The following TRPM4 variants were observed in gnomAD, a reference collection of about 807,000 sequenced individuals.
The protein encoded by TRPM4 is calcium-activated non-selective cation channel 1.
TRPM4 carries 124 observed loss-of-function variants against 135.6 expected under a neutral mutation model. The ratio of observed to expected loss-of-function variants is 0.91; its 90% CI spans 0.79 to 1.06. The LOEUF (loss-of-function observed/expected upper bound fraction) is 1.06, where lower values mean the gene tolerates loss of function less well. Ranked by LOEUF, TRPM4 falls within the 50% of genes least tolerant of loss-of-function variation. TRPM4 has a pLI of 0.00. For synonymous variants in TRPM4, 745 were observed against 705.6 expected (o/e 1.06, Z -0.88); for missense variants, 1,658 against 1,671.4 (o/e 0.99, Z 0.14).
At chr19:49,178,624 G>A (rs1023778823) in intron 9 of TRPM4, among the ~76,000 whole-genome samples, 7 of 152,048 alleles carry the variant, frequency 4.6e-5, no homozygotes, top group African/African-American at 1.7e-4. Context: ...TGGGTTTGAG[G>A]GCTAGATGCT....
intron 9 of TRPM4, among the ~76,000 whole-genome samples, chr19:49,172,973 C>T (rs1027604789): frequency 2.0e-5 from 3 of 149,812 alleles, no homozygotes; most frequent in Non-Finnish European, 2.9e-5. Context: ...TTGTTCCATC[C>T]ATCCATCTTC....
chr19:49,176,947 C>A (rs111845486), intron 9 of TRPM4, among the ~76,000 whole-genome samples: 2,734 of 152,216 alleles, frequency 0.018, 86 homozygotes, highest in African/African-American at 0.055. Context: ...CAGTTTCTCT[C>A]TGTGGAAAGT....
intron 2 of TRPM4, among the ~76,000 whole-genome samples, chr19:49,160,807 C>A (rs780214522): frequency 6.6e-6 from 1 of 151,262 alleles, no homozygotes; most frequent in East Asian, 2.0e-4. Flanking sequence ...AGCGTCTGAG[C>A]GGGAGGGGTA....
At position 49,200,600 on chromosome 19, in the gene TRPM4, T is replaced by G. The variant is rs779880108; in HGVS notation, c.2779-11T>G. The G allele has an allele frequency of 2.5e-6, 4 of 1,611,480 alleles. No individual in the cohort carries two copies. The highest frequency in any genetic ancestry group is 3.4e-6 in the Non-Finnish European group (4 of 1,179,936). On this transcript the variant is annotated splice_polypyrimidine_tract_variant and intron_variant, in intron 18 of 24. Transcript: ENST00000252826. ...AAGGGCGGGGCCAGACTCAGCCACA[T>G]CTCCCCACAGATGAAGGACGTGTTC... is the stretch of plus-strand genomic sequence containing the variant.
intron 20 of TRPM4, among the ~76,000 whole-genome samples, chr19:49,208,296 C>G (rs1969223422): frequency 1.7e-5 from 1 of 60,254 alleles, no homozygotes; most frequent in Non-Finnish European, 3.2e-5. Flanking sequence ...AGGCCCTCCA[C>G]AAGAGGTGGT....
chr19:49,175,890 G>GT (rs1967671020), intron 9 of TRPM4, among the ~76,000 whole-genome samples: 1 of 143,888 alleles, frequency 6.9e-6, no homozygotes, highest in South Asian at 2.2e-4. Flanking sequence ...GCCTCCCAAA[G>GT]TGCTGGGATT....
intron 9 of TRPM4, among the ~76,000 whole-genome samples, chr19:49,173,324 A>G (rs1405588004): frequency 1.3e-5 from 2 of 151,110 alleles, no homozygotes; most frequent in Non-Finnish European, 2.9e-5. Flanking sequence ...TCCTCCATCC[A>G]TCCATCTTCT....
At chr19:49,183,291 A>C (rs1600462995) in intron 12 of TRPM4, 79 bp downstream of exon 12, 1 of 1,592,716 alleles carries the variant, frequency 6.3e-7, no homozygotes, top group African/African-American at 1.3e-5. Flanking sequence ...ATTACCATAC[A>C]ATTCCCCGAC....
chr19:49,188,904 C>T (rs1406178868), intron 13 of TRPM4, 42 bp from the exon 14 acceptor site: 6 of 1,613,784 alleles, frequency 3.7e-6, no homozygotes. Context: ...CCTCACCCTA[C>T]TCCTTCCCAT....
At position 49,196,891 on chromosome 19, in the gene TRPM4, C is replaced by T. The variant is rs1413407063; in HGVS notation, c.2645+17C>T. ...GGGCTGCCGGTGAGTGCCCCGGGGC[C>T]TTGGAACCCTGGCCCCTGGCCACCT... On this transcript the variant is annotated intron_variant, in intron 17 of 24. Coordinates refer to ENST00000252826, the MANE Select transcript of TRPM4 (RefSeq NM_017636.4). 20 of 1,560,758 alleles carry T rather than the reference C, an allele frequency of 1.3e-5. No homozygotes were observed. The highest frequency in any genetic ancestry group is 1.5e-5 in the Non-Finnish European group (18 of 1,162,094).
chr19:49,169,895 A>G (rs1166673887), intron 6 of TRPM4, among the ~76,000 whole-genome samples: 1 of 152,066 alleles, frequency 6.6e-6, no homozygotes, highest in Non-Finnish European at 1.5e-5. Flanking sequence ...CATGAACAAG[A>G]TACATTACTA....
intron 2 of TRPM4, among the ~76,000 whole-genome samples, chr19:49,165,270 A>G (rs1190230629): frequency 6.6e-6 from 1 of 152,224 alleles, no homozygotes; most frequent in African/African-American, 2.4e-5. Flanking sequence ...CCTACTCGCT[A>G]GATGGCTGTT....
intron 2 of TRPM4, among the ~76,000 whole-genome samples, chr19:49,162,825 A>G (rs12972647): frequency 0.32 from 49,077 of 151,484 alleles, 8,080 homozygotes; most frequent in South Asian, 0.4. Flanking sequence ...GCAGTGGTGC[A>G]ATCTTGGCTC....
intron 15 of TRPM4, 94 bp from the exon 16 acceptor site, chr19:49,190,602 A>T (rs1968374490): frequency 7.6e-7 from 1 of 1,308,190 alleles, no homozygotes; most frequent in Non-Finnish European, 1.1e-6. Context: ...TCCCTCTGCC[A>T]TGTCTCCGGG....
At chr19:49,163,341 G>A (rs1010820249) in intron 2 of TRPM4, among the ~76,000 whole-genome samples, 16 of 151,394 alleles carry the variant, frequency 1.1e-4, no homozygotes, top group Non-Finnish European at 8.8e-5. Flanking sequence ...GACTACAGGC[G>A]CGTACCACCA....
At chr19:49,183,705 G>C (rs10414251) in intron 12 of TRPM4, among the ~76,000 whole-genome samples, 1 of 151,348 alleles carries the variant, frequency 6.6e-6, no homozygotes, top group African/African-American at 2.4e-5. Context: ...GCCTGGCCAA[G>C]ATTCTCTCTT....
intron 9 of TRPM4, among the ~76,000 whole-genome samples, chr19:49,179,427 T>C (rs565462174): frequency 4.6e-5 from 7 of 151,936 alleles, no homozygotes; most frequent in African/African-American, 1.7e-4. Flanking sequence ...CTCGGCTCAC[T>C]GCAACCTCCA....
intron 3 of TRPM4, 122 bp downstream of exon 3, chr19:49,166,337 C>T (rs1967178271): frequency 1.9e-6 from 2 of 1,033,434 alleles, no homozygotes; most frequent in East Asian, 5.3e-5. Context: ...TCTTGGCTCT[C>T]TTTGTCCCCT....
chr19:49,160,801 T>C (rs1417647202), intron 2 of TRPM4, among the ~76,000 whole-genome samples: 1 of 151,746 alleles, frequency 6.6e-6, no homozygotes, highest in Non-Finnish European at 1.5e-5. Context: ...GTAGAGAGCG[T>C]CTGAGCGGGA....
Sources: allele counts gnomAD v4.1 joint callset (sites outside exome capture counted in the v4.1 genomes callset), GRCh38; gene constraint gnomAD v4.1.1; transcripts MANE v1.5; gene names NCBI Gene and HGNC (gene_info 2026-07-23, HGNC 2026-07-21).